ASCC3: variants seen among roughly 807,000 people sequenced by gnomAD.
ASCC3 encodes the protein ASC-1 complex subunit P200.
ASCC3 carries 158 observed loss-of-function variants against 256.3 expected under a neutral mutation model. That is an observed-to-expected ratio of 0.62 (90% CI 0.54 to 0.70). ASCC3 has a LOEUF of 0.70. Ranked by LOEUF, ASCC3 falls within the 30% of genes least tolerant of loss-of-function variation. ASCC3 has a pLI of 0.00. For synonymous variants in ASCC3, 948 were observed against 883.4 expected, an observed-to-expected ratio of 1.07 and a Z score of -1.30; for missense variants, 2,259 against 2,626.0, an observed-to-expected ratio of 0.86 and a Z score of 3.05.
chr6:100,714,723 GAGATTAGTTAT>G (rs1779009751), intron 13 of ASCC3, among the ~76,000 whole-genome samples: 1 of 152,070 alleles, frequency 6.6e-6, no homozygotes, highest in East Asian at 1.9e-4. Context: ...ACAATCTCTA[GAGATTAGTTAT>G]GAATGTGATT....
chr6:100,593,349 T>A (rs1227832110), intron 34 of ASCC3, among the ~76,000 whole-genome samples: 1 of 152,092 alleles, frequency 6.6e-6, no homozygotes, highest in Admixed American at 6.6e-5. Context: ...CTCCCTATCA[T>A]AAAAATTTAC....
At chr6:100,740,561 G>C (rs551100024) in intron 10 of ASCC3, among the ~76,000 whole-genome samples, 1 of 152,166 alleles carries the variant, frequency 6.6e-6, no homozygotes, top group African/African-American at 2.4e-5. Context: ...TACTGTGTGT[G>C]AATCTAAGTC....
chr6:100,627,518 C>G, intron 29 of ASCC3, 72 bp downstream of exon 29: 1 of 1,590,398 alleles, frequency 6.3e-7, no homozygotes, highest in Non-Finnish European at 8.6e-7. Flanking sequence ...AAGAAACCAA[C>G]ACCAATTAGA....
chr6:100,621,842 T>G (rs1440959091), intron 30 of ASCC3, among the ~76,000 whole-genome samples: 2 of 152,154 alleles, frequency 1.3e-5, no homozygotes, highest in Non-Finnish European at 2.9e-5. Flanking sequence ...TCAACCCAAA[T>G]GCCCATCAGT....
In ASCC3 at chr6:100,540,308, A is replaced by G. The variant is rs1775389587; in HGVS notation, c.5630T>C (p.Ile1877Thr). Residue 1877 changes from isoleucine to threonine, a missense_variant, in exon 37 of 42, where the codon ATT becomes ACT. Around this residue, in one of 2 missense-constraint regions of ASCC3, gnomAD observed 1,839 missense variants for 2,206.7 expected, o/e 0.83. Coordinates refer to ENST00000369162, the MANE Select transcript of ASCC3 (RefSeq NM_006828.4). Reference protein sequence around the residue: ...MNSELAKCLPIESNPHSFDSP... With the variant: ...MNSELAKCLPTESNPHSFDSP... ...GTCAAATGAATGAGGATTTGATTCA[A>G]TGGGAAGACATTTTGCCAGTTCACT... The G allele has an allele frequency of 4.3e-6, 7 of 1,613,810 alleles. No homozygotes were observed. The highest frequency in any genetic ancestry group is 2.2e-5 in the East Asian group (1 of 44,834).
intron 37 of ASCC3, among the ~76,000 whole-genome samples, chr6:100,532,491 C>T (rs1251625712): frequency 6.7e-6 from 1 of 148,742 alleles, no homozygotes; most frequent in Non-Finnish European, 1.5e-5. Context: ...CACTTACTGA[C>T]ACTCAAAGAA....
In ASCC3 at chr6:100,607,056, G is replaced by C; in HGVS notation, c.4818C>G (p.Ser1606=). 6.2e-7 allele frequency: 1 copy of C among 1,613,514 alleles called. No individual in the cohort carries two copies. Among genetic ancestry groups the C allele is most frequent in the South Asian group, 1.1e-5 (1 of 91,056 alleles). The change falls in exon 31 of 42, where the codon TCC becomes TCG. Residue 1606 remains serine (S), a synonymous_variant. Transcript: ENST00000369162. The stretch of plus-strand genomic sequence containing the variant: ...CGAAAGCAAGGGTCAGCTTGAGGTT[G>C]GAATCTCTTACTGTTGCAATGATGT... ...MENIIATVRD[S]NLKLTLAFGI... is the part of the protein sequence containing the mutation.
chr6:100,608,806 C>T (rs1773235356), intron 30 of ASCC3, among the ~76,000 whole-genome samples: 1 of 114,288 alleles, frequency 8.7e-6, no homozygotes, highest in South Asian at 2.7e-4. Context: ...CTACGTTGCC[C>T]AGGTTGGAGT....
At chr6:100,612,620 A>G (rs1773462154) in intron 30 of ASCC3, among the ~76,000 whole-genome samples, 1 of 152,060 alleles carries the variant, frequency 6.6e-6, no homozygotes, top group Non-Finnish European at 1.5e-5. Context: ...ATATTAAATG[A>G]CACTAAAACA....
intron 10 of ASCC3, among the ~76,000 whole-genome samples, chr6:100,732,402 A>T (rs1779945100): frequency 6.6e-6 from 1 of 152,186 alleles, no homozygotes; most frequent in African/African-American, 2.4e-5. Flanking sequence ...GACAGAGGAA[A>T]GGGGGAATCT....
intron 14 of ASCC3, among the ~76,000 whole-genome samples, chr6:100,678,797 A>G (rs1482307441): frequency 6.6e-6 from 1 of 152,140 alleles, no homozygotes; most frequent in African/African-American, 2.4e-5. Flanking sequence ...CAACTACTCT[A>G]TTTTTCTCCA....
At position 100,533,789 on chromosome 6, in the gene ASCC3, A is replaced by G. The variant is rs539096451; in HGVS notation, c.5775+6374T>C. On this transcript the variant is annotated intron_variant, in intron 37 of 41. Coordinates refer to ENST00000369162, the MANE Select transcript of ASCC3 (RefSeq NM_006828.4). ...CTTATACTATTTGGCTTAGTATTAT[A>G]TTTAGGTGTTTTTCACTTAAATGAA... Among the ~76,000 whole-genome samples the G allele has an allele frequency of 5.9e-5, 9 of 152,344 alleles. No individual in the cohort carries two copies. In the South Asian group the frequency reaches 1.9e-3, roughly 32 times the overall value.
In ASCC3 at chr6:100,508,854, T is replaced by C. The variant is rs1773620618; in HGVS notation, c.*532A>G. On this transcript the variant is annotated 3_prime_UTR_variant, in exon 42 of 42. Transcript: ENST00000369162. ...TAATATAATTTTACATCATATATTATTAAACATTTATGACTACAAGAAATT... is the reference window on the plus strand; with the variant it reads ...TAATATAATTTTACATCATATATTACTAAACATTTATGACTACAAGAAATT... 2 of 156,250 alleles carry C rather than the reference T, an allele frequency of 1.3e-5. No homozygotes were observed. Among genetic ancestry groups the C allele is most frequent in the African/African-American group, 4.8e-5 (2 of 41,476 alleles). 9.7% of individuals were successfully genotyped at this position (156,250 alleles called of 1,614,324 possible).
rs181831620 is a variant in ASCC3, at chr6:100,686,700, T to C, written c.2152-6948A>G. 3.3e-5 allele frequency among the ~76,000 whole-genome samples: 5 copies of C among 152,174 alleles called. No homozygotes were observed. The South Asian group carries it at 1.0e-3, about 31-fold the overall frequency. ...ATAAATACAGAGTGTATACAGAGTATAACTCTGTACACAAGTCATTTTACA... is the reference window on the plus strand; with the variant it reads ...ATAAATACAGAGTGTATACAGAGTACAACTCTGTACACAAGTCATTTTACA... On this transcript the variant is annotated intron_variant, in intron 13 of 41. Transcript: ENST00000369162.
In ASCC3 at chr6:100,806,000, T is replaced by A. The variant is rs893154145; in HGVS notation, c.802-120A>T. 332 of 962,026 alleles carry A rather than the reference T, an allele frequency of 3.5e-4. 2 individuals carry two copies. The highest frequency in any genetic ancestry group is 6.1e-5 in the Non-Finnish European group (40 of 657,898). 59.6% of individuals were successfully genotyped at this position (962,026 alleles called of 1,614,324 possible). A position where few individuals can be genotyped will look rare whatever the true frequency, so the allele number is the denominator to read the frequency against. ...AACTAATATAGAAATACTCAAAAAA[T>A]TTAATAAAAATGGTACCTTAAACTA... On this transcript the variant is annotated intron_variant, in intron 4 of 41. Transcript: ENST00000369162.
Position 100,670,327 on chromosome 6 carries a change from CA to C in ASCC3, c.2287-7792del, listed in dbSNP as rs574256238. 4.5e-3 allele frequency among the ~76,000 whole-genome samples: 689 copies of C among 152,000 alleles called. 6 individuals are homozygous for C. The highest frequency in any genetic ancestry group is 8.2e-3 in the Non-Finnish European group (555 of 67,874). On this transcript the variant is annotated intron_variant, in intron 14 of 41. Coordinates refer to ENST00000369162, the MANE Select transcript of ASCC3 (RefSeq NM_006828.4). ...TGGTATCCATGGGGGATTGATTCAA[CA>C]AACACCTTCTCTTCCCCTGTAGACA...
chr6:100,689,675 G>T lies in ASCC3; in HGVS notation c.2152-9923C>A, dbSNP rs557144845. On this transcript the variant is annotated intron_variant, in intron 13 of 41. Coordinates refer to ENST00000369162, the MANE Select transcript of ASCC3 (RefSeq NM_006828.4). ...AAAAGTTTATAAATTATAATAGCTT[G>T]TAGGCTGAGTTAATACTTTCCATTC... Among the ~76,000 whole-genome samples, 36 of 152,282 alleles carry T rather than the reference G, an allele frequency of 2.4e-4. No individual in the cohort carries two copies. The South Asian group carries it at 7.5e-3, about 32-fold the overall frequency.
At chr6:100,784,025 G>C (rs1782575936) in intron 8 of ASCC3, among the ~76,000 whole-genome samples, 3 of 152,078 alleles carry the variant, frequency 2.0e-5, no homozygotes, top group Admixed American at 2.0e-4. Context: ...GCAGAGCAAA[G>C]ATTGAAACTC....
chr6:100,856,124 G>A (rs77403631), intron 3 of ASCC3, among the ~76,000 whole-genome samples: 2,513 of 152,224 alleles, frequency 0.017, 70 homozygotes, highest in African/African-American at 0.058. Context: ...CAAATCATTA[G>A]CACAGACTTG....
Sources: gnomAD v4.1 joint callset for allele counts (sites outside exome capture counted in the v4.1 genomes callset) on GRCh38, gnomAD v4.1.1 for gene constraint, gnomAD v4.1.1 regional missense constraint, MANE v1.5 for transcripts, NCBI Gene and HGNC (gene_info 2026-07-23, HGNC 2026-07-21) for gene names.